Variants in GRM5 observed in about 807,000 individuals in gnomAD.
The protein encoded by GRM5 is metabotropic glutamate receptor 5.
In GRM5, 19 loss-of-function variants were observed where a neutral mutation model predicts 83.1. That is an observed-to-expected ratio of 0.23 (90% CI 0.16 to 0.34). The LOEUF (loss-of-function observed/expected upper bound fraction) is 0.34, where lower values mean the gene tolerates loss of function less well. GRM5 is among the 10% of genes least tolerant of loss of function. GRM5 has a pLI of 1.00. For missense variants in GRM5, 1,160 were observed against 1,588.3 expected (o/e 0.73, Z 4.58); for synonymous variants, 675 against 633.6 (o/e 1.07, Z -0.98).
At chr11:88,553,825 G>C (rs10128618) in intron 8 of GRM5, among the ~76,000 whole-genome samples, 14 of 152,158 alleles carry the variant, frequency 9.2e-5, no homozygotes, top group Non-Finnish European at 1.6e-4. Flanking sequence ...TGTGTGATAC[G>C]TATGACCAAA....
intron 3 of GRM5, among the ~76,000 whole-genome samples, chr11:88,780,385 G>A (rs567383726): frequency 1.6e-4 from 25 of 152,230 alleles, no homozygotes; most frequent in African/African-American, 2.9e-4. Flanking sequence ...GAGAACATGA[G>A]TTTATAGTCA....
intron 3 of GRM5, among the ~76,000 whole-genome samples, chr11:88,799,489 G>A (rs1441511849): frequency 1.3e-5 from 2 of 152,034 alleles, no homozygotes; most frequent in Admixed American, 1.3e-4. Flanking sequence ...AATTTTTGAA[G>A]CATATGAACA....
At chr11:88,934,435 A>G (rs1937823718) in intron 2 of GRM5, among the ~76,000 whole-genome samples, 2 of 151,858 alleles carry the variant, frequency 1.3e-5, no homozygotes, top group Admixed American at 6.6e-5. Context: ...CAAAATTTAC[A>G]TGATGCATTT....
At chr11:88,726,865 G>A (rs1941694364) in intron 3 of GRM5, among the ~76,000 whole-genome samples, 1 of 152,208 alleles carries the variant, frequency 6.6e-6, no homozygotes, top group South Asian at 2.1e-4. Context: ...CACCAGGCCT[G>A]CCTTACAAAA....
chr11:88,630,841 G>C (rs965642501), intron 4 of GRM5, among the ~76,000 whole-genome samples: 6 of 152,130 alleles, frequency 3.9e-5, no homozygotes, highest in Non-Finnish European at 7.3e-5. Flanking sequence ...GCCTCCCAAA[G>C]TGCTGGGATT....
At chr11:88,936,827 T>A (rs533624122) in intron 2 of GRM5, among the ~76,000 whole-genome samples, 1 of 151,860 alleles carries the variant, frequency 6.6e-6, no homozygotes, top group Admixed American at 6.6e-5. Flanking sequence ...TTTGGACCAA[T>A]TGAAATATTA....
intron 2 of GRM5, among the ~76,000 whole-genome samples, chr11:89,001,573 C>CTT (rs1940382237): frequency 6.6e-6 from 1 of 152,056 alleles, no homozygotes; most frequent in Non-Finnish European, 1.5e-5. Context: ...AGTGAATGCT[C>CTT]TAAAAAGTAA....
chr11:88,593,194 TA>T (rs2135211521), intron 6 of GRM5, among the ~76,000 whole-genome samples: 1 of 152,282 alleles, frequency 6.6e-6, no homozygotes, highest in Non-Finnish European at 1.5e-5. Context: ...TCATGGAAAC[TA>T]AGTTTACAAA....
chr11:88,900,085 A>C (rs1319633148), intron 2 of GRM5, among the ~76,000 whole-genome samples: 2 of 152,130 alleles, frequency 1.3e-5, no homozygotes, highest in Admixed American at 6.6e-5. Flanking sequence ...GTAATTATTT[A>C]TGGGTACCCA....
Position 88,631,573 on chromosome 11 carries a change from A to G in GRM5, c.1147+21595T>C, listed in dbSNP as rs554080723. Among the ~76,000 whole-genome samples the G allele has an allele frequency of 2.0e-5, 3 of 152,320 alleles. No individual in the cohort carries two copies. The South Asian group carries it at 6.2e-4, about 32-fold the overall frequency. ...AAAATATAATTATTGTCTGAGTTGT[A>G]TAAATGAAGAAGGCAGGGCTAAGTA... On this transcript the variant is annotated intron_variant, in intron 4 of 9. Transcript: ENST00000305447.
At chr11:89,041,025 C>G (rs1266967670) in intron 2 of GRM5, among the ~76,000 whole-genome samples, 1 of 152,152 alleles carries the variant, frequency 6.6e-6, no homozygotes. Flanking sequence ...CCCAGCATTC[C>G]TTATGCAGAA....
intron 3 of GRM5, among the ~76,000 whole-genome samples, chr11:88,656,436 T>C (rs987164084): frequency 2.6e-5 from 4 of 152,160 alleles, no homozygotes; most frequent in African/African-American, 7.2e-5. Context: ...TCAATATTGG[T>C]GGCATTTTTG....
chr11:88,600,218 T>C (rs1298093044), intron 5 of GRM5, among the ~76,000 whole-genome samples: 1 of 151,518 alleles, frequency 6.6e-6, no homozygotes, highest in East Asian at 1.9e-4. Context: ...CTCCTTCTCT[T>C]CTTCCTCAAT....
chr11:88,894,432 C>T (rs1477657139), intron 2 of GRM5, among the ~76,000 whole-genome samples: 1 of 151,912 alleles, frequency 6.6e-6, no homozygotes, highest in Non-Finnish European at 1.5e-5. Flanking sequence ...ATTTTCCTGG[C>T]GATTGACAAC....
intron 3 of GRM5, among the ~76,000 whole-genome samples, chr11:88,675,951 A>C (rs1940317677): frequency 6.6e-6 from 1 of 152,034 alleles, no homozygotes; most frequent in South Asian, 2.1e-4. Flanking sequence ...ACGTAAGAGA[A>C]TCATAGTATT....
chr11:88,871,475 G>C (rs1305734467), intron 2 of GRM5, among the ~76,000 whole-genome samples: 2 of 151,536 alleles, frequency 1.3e-5, no homozygotes, highest in Non-Finnish European at 3.0e-5. Context: ...AAGATAACTA[G>C]GACTGAAAGA....
intron 3 of GRM5, among the ~76,000 whole-genome samples, chr11:88,657,607 A>G (rs1939795355): frequency 6.6e-6 from 1 of 151,936 alleles, no homozygotes; most frequent in African/African-American, 2.4e-5. Context: ...TCTACAATCT[A>G]CTCTTCCCCT....
intron 3 of GRM5, among the ~76,000 whole-genome samples, chr11:88,665,551 A>T (rs1234376118): frequency 6.6e-6 from 1 of 152,192 alleles, no homozygotes; most frequent in Non-Finnish European, 1.5e-5. Flanking sequence ...AAGAGTAAAT[A>T]ATCAAAAATT....
intron 3 of GRM5, among the ~76,000 whole-genome samples, chr11:88,710,940 A>G (rs1299413011): frequency 6.6e-6 from 1 of 152,244 alleles, no homozygotes; most frequent in African/African-American, 2.4e-5. Flanking sequence ...TTAGTGCTTT[A>G]TAAAACTGGT....
Sources: allele counts gnomAD v4.1 joint callset (sites outside exome capture counted in the v4.1 genomes callset), GRCh38; gene constraint gnomAD v4.1.1; transcripts MANE v1.5; gene names NCBI Gene and HGNC (gene_info 2026-07-23, HGNC 2026-07-21).